PRR16: variants seen among roughly 807,000 people sequenced by gnomAD.
The protein encoded by PRR16 is proline rich 16, also known as protein Largen.
Under a neutral mutation model 18.2 loss-of-function variants are expected in PRR16, and 6 were observed. The observed-to-expected ratio is 0.33, with a 90% confidence interval of 0.18 to 0.65. The LOEUF is 0.65. PRR16 is among the 30% of genes least tolerant of loss of function. PRR16 has a pLI of 0.74. For synonymous variants in PRR16, 151 were observed against 147.8 expected (o/e 1.02, Z -0.16); for missense variants, 412 against 376.6 (o/e 1.09, Z -0.78).
chr5:120,574,507 G>C (rs548538660), intron 1 of PRR16, among the ~76,000 whole-genome samples: 40 of 152,150 alleles, frequency 2.6e-4, no homozygotes, highest in African/African-American at 9.6e-4. Flanking sequence ...GGGAGCCTGA[G>C]GCATGATAAT....
At chr5:120,531,929 T>C (rs1166643805) in intron 1 of PRR16, among the ~76,000 whole-genome samples, 1 of 152,196 alleles carries the variant, frequency 6.6e-6, no homozygotes, top group African/African-American at 2.4e-5. Context: ...ATGTAATGCA[T>C]TGAAGACAAT....
intron 1 of PRR16, among the ~76,000 whole-genome samples, chr5:120,637,302 G>A (rs6871826): frequency 0.78 from 102,913 of 132,008 alleles, 40,825 homozygotes; most frequent in East Asian, 0.94. Flanking sequence ...CCGGAGGAAA[G>A]TAAGCCATTA....
intron 1 of PRR16, among the ~76,000 whole-genome samples, chr5:120,598,645 G>A (rs1231564101): frequency 1.3e-5 from 2 of 151,790 alleles, no homozygotes; most frequent in Non-Finnish European, 2.9e-5. Flanking sequence ...TGTACTTAAT[G>A]TTTAATTCCC....
intron 1 of PRR16, among the ~76,000 whole-genome samples, chr5:120,606,664 AG>A: frequency 6.6e-6 from 1 of 152,280 alleles, no homozygotes; most frequent in East Asian, 1.9e-4. Flanking sequence ...GCATGTTGAG[AG>A]GCCAAGATGG....
At chr5:120,755,535 G>A in the PRR16 span, among the ~76,000 whole-genome samples, 3 of 152,032 alleles carry the variant, frequency 2.0e-5, no homozygotes, top group South Asian at 4.1e-4. Flanking sequence ...CTCTAGCTGT[G>A]TCCATGTTAC....
In PRR16 at chr5:120,491,325, G is replaced by T. The variant is rs1750030979; in HGVS notation, c.159+26680G>T. ...GAAATCTGTAAGCCTGATATTGAAA[G>T]TGCATTATAAATACTATTTATAATA... On this transcript the variant is annotated intron_variant, in intron 1 of 1. Transcript: ENST00000407149. 2.0e-5 allele frequency among the ~76,000 whole-genome samples: 3 copies of T among 152,066 alleles called. No homozygotes were observed. In the South Asian group the frequency reaches 6.2e-4, roughly 32 times the overall value.
chr5:120,737,083 T>G, the PRR16 span, among the ~76,000 whole-genome samples: 1 of 152,154 alleles, frequency 6.6e-6, no homozygotes, highest in Non-Finnish European at 1.5e-5. Flanking sequence ...ATTTCTTCCT[T>G]TACAATTTGG....
the PRR16 span, among the ~76,000 whole-genome samples, chr5:120,692,342 T>C: frequency 6.6e-6 from 1 of 152,158 alleles, no homozygotes; most frequent in Non-Finnish European, 1.5e-5. Context: ...CCTGGGAGAA[T>C]CTTTAGAGCA....
the PRR16 span, among the ~76,000 whole-genome samples, chr5:120,732,057 T>G: frequency 2.2e-4 from 33 of 151,872 alleles, no homozygotes; most frequent in Admixed American, 7.2e-4. Context: ...GTGCTCAGAG[T>G]ACTATAGGAA....
chr5:120,524,085 G>A (rs1018801337), intron 1 of PRR16, among the ~76,000 whole-genome samples: 4 of 152,132 alleles, frequency 2.6e-5, no homozygotes, highest in East Asian at 1.9e-4. Context: ...TATTTTCAAC[G>A]TACAGATGAG....
At chr5:120,497,572 G>T in intron 1 of PRR16, among the ~76,000 whole-genome samples, 1 of 151,286 alleles carries the variant, frequency 6.6e-6, no homozygotes, top group East Asian at 1.9e-4. Flanking sequence ...TGTATTTTTA[G>T]TACAGACGGG....
chr5:120,719,123 T>C, the PRR16 span, among the ~76,000 whole-genome samples: 2 of 152,120 alleles, frequency 1.3e-5, no homozygotes, highest in African/African-American at 4.8e-5. Context: ...AGATTTTTGT[T>C]ATTGCTTCAG....
chr5:120,771,332 GCAACAAC>G, the PRR16 span, among the ~76,000 whole-genome samples: 3 of 152,032 alleles, frequency 2.0e-5, no homozygotes, highest in African/African-American at 7.2e-5. Context: ...ACATGCATTA[GCAACAAC>G]CCAAACACAT....
At chr5:120,614,448 A>G (rs1368992608) in intron 1 of PRR16, among the ~76,000 whole-genome samples, 1 of 152,258 alleles carries the variant, frequency 6.6e-6, no homozygotes, top group Non-Finnish European at 1.5e-5. Flanking sequence ...GTTATTTTCC[A>G]ATGGCCAATG....
intron 1 of PRR16, among the ~76,000 whole-genome samples, chr5:120,547,288 C>G (rs188323593): frequency 2.0e-5 from 3 of 152,086 alleles, no homozygotes; most frequent in Non-Finnish European, 2.9e-5. Context: ...AACCATTATC[C>G]ATTTCCAAGG....
intron 1 of PRR16, among the ~76,000 whole-genome samples, chr5:120,626,759 C>T (rs1754878345): frequency 6.6e-6 from 1 of 152,090 alleles, no homozygotes; most frequent in African/African-American, 2.4e-5. Flanking sequence ...TGGTTCCCTC[C>T]ATAATTTGTA....
chr5:120,562,508 G>T (rs1027783733), intron 1 of PRR16, among the ~76,000 whole-genome samples: 1 of 151,924 alleles, frequency 6.6e-6, no homozygotes, highest in African/African-American at 2.4e-5. Flanking sequence ...ACTTTCTCCT[G>T]ACATTTTGTT....
chr5:120,573,671 A>C (rs1450335259), intron 1 of PRR16, among the ~76,000 whole-genome samples: 1 of 152,162 alleles, frequency 6.6e-6, no homozygotes, highest in Non-Finnish European at 1.5e-5. Context: ...GATACATGAT[A>C]AAAATAAAAA....
intron 1 of PRR16, among the ~76,000 whole-genome samples, chr5:120,668,981 A>G (rs1482392390): frequency 1.3e-5 from 2 of 152,204 alleles, no homozygotes; most frequent in Non-Finnish European, 2.9e-5. Context: ...GGCATGCCCT[A>G]TGATAGCTTA....
Sources: allele counts gnomAD v4.1 joint callset (sites outside exome capture counted in the v4.1 genomes callset), GRCh38; gene constraint gnomAD v4.1.1; transcripts MANE v1.5; gene names NCBI Gene and HGNC (gene_info 2026-07-23, HGNC 2026-07-21).